Variants in ATXN7 observed in about 807,000 individuals in gnomAD.
ATXN7 encodes the protein ataxin-7.
Under a neutral mutation model 70.5 loss-of-function variants are expected in ATXN7, and 12 were observed. That is an observed-to-expected ratio of 0.17 (90% CI 0.11 to 0.28). The LOEUF (loss-of-function observed/expected upper bound fraction) is 0.28. Ranked by LOEUF, ATXN7 falls within the 10% of genes least tolerant of loss-of-function variation. The pLI, the probability that ATXN7 is intolerant of heterozygous loss-of-function variation, is 1.00. For synonymous variants in ATXN7, 498 were observed against 448.7 expected (o/e 1.11, Z -1.39); for missense variants, 1,256 against 1,131.7 (o/e 1.11, Z -1.58).
intron 10 of ATXN7, 54 bp from the exon 11 acceptor site, chr3:63,990,684 C>A (rs1360881474): frequency 6.2e-7 from 1 of 1,613,244 alleles, no homozygotes; most frequent in African/African-American, 1.3e-5. Flanking sequence ...AGAACCCTGA[C>A]TGGGCATGCC....
chr3:63,912,339 C>T (rs1306532790), intron 2 of ATXN7, among the ~76,000 whole-genome samples: 2 of 151,646 alleles, frequency 1.3e-5, no homozygotes, highest in African/African-American at 4.8e-5. Flanking sequence ...TGGCGGGCCG[C>T]CTGCTGCCCG....
chr3:63,913,128 CCCT>C (rs1336663373), intron 3 of ATXN7, 26 bp from the exon 4 acceptor site: 6 of 1,608,788 alleles, frequency 3.7e-6, no homozygotes, highest in Non-Finnish European at 5.1e-6. Context: ...CCTGCCTCTC[CCCT>C]CCTCCTGTGT....
intron 1 of ATXN7, chr3:63,865,198 A>C (rs1361967353): frequency 6.6e-6 from 1 of 152,232 alleles, no homozygotes; most frequent in Non-Finnish European, 1.5e-5. Flanking sequence ...AAATGTATTA[A>C]AGTGAAGTGT....
intron 12 of ATXN7, chr3:63,997,796 T>C (rs961974545): frequency 2.0e-6 from 3 of 1,486,746 alleles, no homozygotes; most frequent in African/African-American, 1.4e-5. Flanking sequence ...TTTCTTAGTA[T>C]TTTCGTAGTG....
At chr3:63,905,127 T>C (rs1156315702) in intron 2 of ATXN7, 3 of 152,218 alleles carry the variant, frequency 2.0e-5, no homozygotes, top group Admixed American at 6.5e-5. Flanking sequence ...ATTTTCTTGA[T>C]GGCATCCTTT....
At chr3:63,922,606 G>C (rs1443250215) in intron 4 of ATXN7, among the ~76,000 whole-genome samples, 1 of 152,136 alleles carries the variant, frequency 6.6e-6, no homozygotes, top group African/African-American at 2.4e-5. Context: ...AAGTCATCAT[G>C]AAGGTGGGGA....
chr3:63,929,591 G>A (rs1236653769), intron 4 of ATXN7, among the ~76,000 whole-genome samples: 1 of 152,110 alleles, frequency 6.6e-6, no homozygotes, highest in Admixed American at 6.5e-5. Flanking sequence ...TTGAGAATTA[G>A]AATTGTTAAT....
chr3:63,963,223 TG>T (rs2106697064), intron 5 of ATXN7, among the ~76,000 whole-genome samples: 1 of 152,306 alleles, frequency 6.6e-6, no homozygotes, highest in African/African-American at 2.4e-5. Context: ...GCCAGAATTT[TG>T]TATTTAATTT....
chr3:63,930,732 G>A lies in ATXN7; in HGVS notation c.394+17507G>A, dbSNP rs190989837. Among the ~76,000 whole-genome samples, 874 of 152,012 alleles carry A rather than the reference G, an allele frequency of 5.7e-3. 9 individuals are homozygous for A. The highest frequency in any genetic ancestry group is 0.01 in the Non-Finnish European group (693 of 67,970). ...TTTTTATTAGAGACGGGGTTTCTCC[G>A]TGTTAGCCAGGATGGTCTCAATCTC... On this transcript the variant is annotated intron_variant, in intron 4 of 12. Coordinates refer to ENST00000674280, the MANE Select transcript of ATXN7 (RefSeq NM_001377405.1).
At chr3:63,955,234 C>G (rs1352929188) in intron 5 of ATXN7, among the ~76,000 whole-genome samples, 1 of 152,140 alleles carries the variant, frequency 6.6e-6, no homozygotes, top group African/African-American at 2.4e-5. Context: ...GCTGAGGTCC[C>G]TCTAGTGACA....
At chr3:63,924,735 G>A (rs1704649387) in intron 4 of ATXN7, among the ~76,000 whole-genome samples, 1 of 152,174 alleles carries the variant, frequency 6.6e-6, no homozygotes, top group Non-Finnish European at 1.5e-5. Context: ...AACCCTCATT[G>A]TATGGGGAAG....
intron 9 of ATXN7, 35 bp downstream of exon 9, chr3:63,988,359 C>T: frequency 1.2e-6 from 2 of 1,612,062 alleles, no homozygotes; most frequent in Non-Finnish European, 1.7e-6. Flanking sequence ...CTCCCACCTT[C>T]AGAGATGAGA....
intron 1 of ATXN7, among the ~76,000 whole-genome samples, chr3:63,897,226 A>T (rs1451233599): frequency 6.6e-6 from 1 of 152,218 alleles, no homozygotes; most frequent in Non-Finnish European, 1.5e-5. Flanking sequence ...ACTAAAATGG[A>T]AATCAGAGAA....
At chr3:63,864,534 C>T (rs1340363077) in intron 1 of ATXN7, 2 of 152,290 alleles carry the variant, frequency 1.3e-5, no homozygotes, top group Non-Finnish European at 2.9e-5. Context: ...CGCCCCCTTC[C>T]TTCCTGGGCT....
At chr3:63,913,122 C>T (rs1465108842) in intron 3 of ATXN7, 35 bp from the exon 4 acceptor site, 3 of 1,603,164 alleles carry the variant, frequency 1.9e-6, no homozygotes, top group Non-Finnish European at 2.6e-6. Context: ...CACTGACCTG[C>T]CTCTCCCCTC....
chr3:63,983,916 TAGAG>T (rs1311350703), intron 8 of ATXN7, among the ~76,000 whole-genome samples: 2 of 152,072 alleles, frequency 1.3e-5, no homozygotes, highest in African/African-American at 2.4e-5. Context: ...TTTAAAACCT[TAGAG>T]GGAGGAAGTA....
In ATXN7 at chr3:63,907,317, C is replaced by T. The variant is rs192359075; in HGVS notation, c.-11-5271C>T. Reference sequence around the variant, plus strand: ...AAAATGGTGATATTTACAGCATTGTCAGTACAAAGGTACATGGGAAATTAC... The same window carrying T: ...AAAATGGTGATATTTACAGCATTGTTAGTACAAAGGTACATGGGAAATTAC... On this transcript the variant is annotated intron_variant, in intron 2 of 12. Transcript: ENST00000674280. Among the ~76,000 whole-genome samples the T allele has an allele frequency of 3.6e-4, 55 of 152,258 alleles. 1 individual carries two copies. The highest frequency in any genetic ancestry group is 1.3e-3 in the Admixed American group (20 of 15,288).
chr3:63,932,043 A>G (rs1223955183), intron 4 of ATXN7, among the ~76,000 whole-genome samples: 1 of 152,226 alleles, frequency 6.6e-6, no homozygotes, highest in East Asian at 1.9e-4. Flanking sequence ...ACCTTCCAAC[A>G]GATTTTCAAA....
At position 63,912,370 on chromosome 3, in the gene ATXN7, C is replaced by T. The variant is rs527829027; in HGVS notation, c.-11-218C>T. 4.7e-3 allele frequency among the ~76,000 whole-genome samples: 708 copies of T among 151,506 alleles called. 1 individual carries two copies. The highest frequency in any genetic ancestry group is 7.9e-3 in the Non-Finnish European group (533 of 67,754). On this transcript the variant is annotated intron_variant, in intron 2 of 12. Transcript: ENST00000674280. ...GCCCGTCCCCTCCCTCGGGCGGCCGCGGGAGTCGAAAGCGAAAGCTAGCCC... is the reference window on the plus strand; with the variant it reads ...GCCCGTCCCCTCCCTCGGGCGGCCGTGGGAGTCGAAAGCGAAAGCTAGCCC...
Sources: allele counts gnomAD v4.1 joint callset (sites outside exome capture counted in the v4.1 genomes callset), GRCh38; gene constraint gnomAD v4.1.1; transcripts MANE v1.5; gene names NCBI Gene and HGNC (gene_info 2026-07-23, HGNC 2026-07-21).